Variants in PELI2 observed in about 807,000 individuals in gnomAD.
PELI2 encodes pellino E3 ubiquitin protein ligase family member 2.
PELI2 carries 23 observed loss-of-function variants against 42.3 expected under a neutral mutation model. The observed-to-expected ratio is 0.54, with a 90% CI of 0.39 to 0.77. The LOEUF (loss-of-function observed/expected upper bound fraction) is 0.77, where lower values mean the gene tolerates loss of function less well. Ranked by LOEUF, PELI2 falls within the 30% of genes least tolerant of loss-of-function variation. The pLI is 0.00. For missense variants in PELI2, 463 were observed against 553.2 expected (o/e 0.84, Z 1.64); for synonymous variants, 245 against 212.2 (o/e 1.15, Z -1.34).
intron 2 of PELI2, among the ~76,000 whole-genome samples, chr14:56,213,560 A>C (rs1357822978): frequency 1.3e-5 from 2 of 152,216 alleles, no homozygotes; most frequent in Non-Finnish European, 2.9e-5. Context: ...CAGCATGTGG[A>C]CTGTTGTCAT....
At chr14:56,125,400 G>A (rs1883214465) in intron 1 of PELI2, among the ~76,000 whole-genome samples, 1 of 132,402 alleles carries the variant, frequency 7.6e-6, no homozygotes, top group African/African-American at 2.7e-5. Flanking sequence ...AGGAGGAAGA[G>A]AGTTATTGGG....
chr14:56,294,022 G>A (rs145532221), intron 5 of PELI2, among the ~76,000 whole-genome samples: 130 of 152,296 alleles, frequency 8.5e-4, no homozygotes, highest in African/African-American at 3.0e-3. Flanking sequence ...TTAGAGGAGA[G>A]GAGACCATGG....
intron 1 of PELI2, among the ~76,000 whole-genome samples, chr14:56,120,454 T>TA (rs1189355124): frequency 6.6e-6 from 1 of 152,194 alleles, no homozygotes; most frequent in Non-Finnish European, 1.5e-5. Context: ...CGGAAAGGAT[T>TA]GAAACCCTGG....
At chr14:56,131,518 C>T (rs1459724833) in intron 1 of PELI2, among the ~76,000 whole-genome samples, 1 of 152,210 alleles carries the variant, frequency 6.6e-6, no homozygotes, top group Admixed American at 6.5e-5. Context: ...GGAAGCACTG[C>T]AGGGAAGTAA....
At chr14:56,141,577 C>T (rs1475395666) in intron 1 of PELI2, among the ~76,000 whole-genome samples, 2 of 152,194 alleles carry the variant, frequency 1.3e-5, no homozygotes, top group African/African-American at 2.4e-5. Context: ...AATTGACTCA[C>T]AGTTCGGCAT....
intron 1 of PELI2, among the ~76,000 whole-genome samples, chr14:56,129,295 G>T (rs1220667771): frequency 6.6e-6 from 1 of 152,170 alleles, no homozygotes; most frequent in East Asian, 1.9e-4. Context: ...TCCTACCTTT[G>T]TCTCTCTTCC....
At chr14:56,189,380 A>G (rs1276148833) in intron 2 of PELI2, among the ~76,000 whole-genome samples, 1 of 152,200 alleles carries the variant, frequency 6.6e-6, no homozygotes, top group African/African-American at 2.4e-5. Flanking sequence ...ATTATGTAGG[A>G]CGAGGTAAGA....
At chr14:56,221,152 AG>A (rs1796386367) in intron 2 of PELI2, among the ~76,000 whole-genome samples, 2 of 152,182 alleles carry the variant, frequency 1.3e-5, no homozygotes, top group African/African-American at 4.8e-5. Flanking sequence ...ACTTCTAAAA[AG>A]AACAAACACT....
chr14:56,252,345 A>T (rs1054406026), intron 2 of PELI2, among the ~76,000 whole-genome samples: 2 of 152,236 alleles, frequency 1.3e-5, no homozygotes, highest in Admixed American at 1.3e-4. Context: ...TCTTACTGGG[A>T]CACCTGTTGT....
In PELI2 at chr14:56,219,812, A is replaced by G. The variant is rs1381172265; in HGVS notation, c.207+41348A>G. ...ATTTATTTATTTTTACATGTTTGTA[A>G]CTTGCCCCATTCCACAGCGGACTTG... On this transcript the variant is annotated intron_variant, in intron 2 of 5. Coordinates refer to ENST00000267460, the MANE Select transcript of PELI2 (RefSeq NM_021255.3). This position sits in a 1 kb window ranked among gnomAD's most constrained non-coding sequence, Gnocchi z 4.1. Among the ~76,000 whole-genome samples, 3 of 152,210 alleles carry G rather than the reference A, an allele frequency of 2.0e-5. No homozygotes were observed. Among genetic ancestry groups the G allele is most frequent in the Non-Finnish European group, 4.4e-5 (3 of 68,030 alleles).
chr14:56,267,069 A>G (rs528855636), intron 2 of PELI2, among the ~76,000 whole-genome samples: 39 of 152,224 alleles, frequency 2.6e-4, no homozygotes, highest in Admixed American at 5.2e-4. Flanking sequence ...TGGCTTTCTT[A>G]GTGATAGAAG....
At chr14:56,124,086 G>T (rs1306149104) in intron 1 of PELI2, among the ~76,000 whole-genome samples, 1 of 152,170 alleles carries the variant, frequency 6.6e-6, no homozygotes, top group Non-Finnish European at 1.5e-5. Flanking sequence ...AAAAGTAAAG[G>T]TTAGAATAAT....
At chr14:56,148,934 A>G (rs1331273499) in intron 1 of PELI2, among the ~76,000 whole-genome samples, 1 of 152,184 alleles carries the variant, frequency 6.6e-6, no homozygotes, top group Non-Finnish European at 1.5e-5. Flanking sequence ...AGTGAGAGGC[A>G]GCCCATGAAT....
intron 2 of PELI2, among the ~76,000 whole-genome samples, chr14:56,207,494 A>G (rs1287748092): frequency 1.3e-5 from 2 of 152,196 alleles, no homozygotes; most frequent in Admixed American, 1.3e-4. Flanking sequence ...AGAACATGAT[A>G]TTATTGGGGT....
At chr14:56,259,516 G>A (rs186610180) in intron 2 of PELI2, among the ~76,000 whole-genome samples, 4 of 152,256 alleles carry the variant, frequency 2.6e-5, no homozygotes, top group Admixed American at 6.5e-5. Context: ...GTTAGTCAGT[G>A]TAATTCTACA....
chr14:56,253,885 A>G (rs1049996373), intron 2 of PELI2, among the ~76,000 whole-genome samples: 3 of 152,234 alleles, frequency 2.0e-5, no homozygotes, highest in African/African-American at 7.2e-5. Context: ...CCAGATAGCC[A>G]AGACAATTCT....
intron 1 of PELI2, among the ~76,000 whole-genome samples, chr14:56,146,221 G>C (rs1345228970): frequency 6.6e-6 from 1 of 152,138 alleles, no homozygotes; most frequent in Non-Finnish European, 1.5e-5. Context: ...GTCTCCTGTT[G>C]CCCCAAATGC....
At chr14:56,138,023 G>A (rs1028786035) in intron 1 of PELI2, among the ~76,000 whole-genome samples, 1 of 152,126 alleles carries the variant, frequency 6.6e-6, no homozygotes, top group Non-Finnish European at 1.5e-5. Flanking sequence ...CTCTGTATCC[G>A]TGGAGGAGGG....
chr14:56,149,496 A>G (rs1884257302), intron 1 of PELI2, among the ~76,000 whole-genome samples: 1 of 152,242 alleles, frequency 6.6e-6, no homozygotes, highest in Admixed American at 6.5e-5. Flanking sequence ...TCTAGGAAGA[A>G]AATGCTATGA....
Sources: gnomAD v4.1 joint callset for allele counts (sites outside exome capture counted in the v4.1 genomes callset) on GRCh38, gnomAD v4.1.1 for gene constraint, Gnocchi (gnomAD v3.1) non-coding constraint, MANE v1.5 for transcripts, NCBI Gene and HGNC (gene_info 2026-07-23, HGNC 2026-07-21) for gene names.